The following HPSE variants were observed in gnomAD, a reference collection of about 807,000 sequenced individuals.
HPSE encodes the protein heparanase.
A neutral mutation model predicts 65.1 loss-of-function variants in HPSE; 48 were observed. That is an observed-to-expected ratio of 0.74 (90% CI 0.58 to 0.94). The LOEUF (loss-of-function observed/expected upper bound fraction) is 0.94, where lower values mean the gene tolerates loss of function less well. HPSE is among the 40% of genes least tolerant of loss of function. The pLI is 0.00. For missense variants in HPSE, 644 were observed against 637.5 expected, an observed-to-expected ratio of 1.01 and a Z score of -0.11; for synonymous variants, 243 against 260.0, an observed-to-expected ratio of 0.93 and a Z score of 0.63.
chr4:83,321,801 G>A (rs922305853), intron 2 of HPSE, among the ~76,000 whole-genome samples: 12 of 152,048 alleles, frequency 7.9e-5, no homozygotes, highest in Admixed American at 5.9e-4. Flanking sequence ...CACAGATCTC[G>A]TTCACCCATA....
rs1736968903 is a variant in HPSE at position 83,322,792 on chromosome 4, TGTGTGTGTG to T, written c.228-437_228-429del. ...TCTAATTCTGGCAAGAGCTTGTTTG[TGTGTGTGTG>T]TGTGTGTGTGTGTGTGTGTGTGTGT... On this transcript the variant is annotated intron_variant, in intron 1 of 11. Coordinates refer to ENST00000311412, the MANE Select transcript of HPSE (RefSeq NM_001098540.3). Among the ~76,000 whole-genome samples, 92 of 114,930 alleles carry T rather than the reference TGTGTGTGTG, an allele frequency of 8.0e-4. 2 individuals are homozygous for T. Among genetic ancestry groups the T allele is most frequent in the African/African-American group, 3.3e-3 (67 of 20,016 alleles). 75.4% of individuals were successfully genotyped at this position (114,930 alleles called of 152,430 possible).
chr4:83,308,745 G>T, intron 8 of HPSE, 100 bp downstream of exon 8: 3 of 885,236 alleles, frequency 3.4e-6, no homozygotes, highest in South Asian at 1.5e-5. Context: ...CCACTGAAAT[G>T]GTCTTTGATC....
chr4:83,329,554 C>T (rs1317195745), intron 1 of HPSE, among the ~76,000 whole-genome samples: 1 of 152,040 alleles, frequency 6.6e-6, no homozygotes, highest in Non-Finnish European at 1.5e-5. Flanking sequence ...TATGGTCTGG[C>T]TCTCAGAAAA....
intron 11 of HPSE, among the ~76,000 whole-genome samples, chr4:83,299,908 G>T (rs1381293943): frequency 1.3e-5 from 2 of 151,922 alleles, no homozygotes; most frequent in African/African-American, 4.8e-5. Flanking sequence ...TTGCCATATT[G>T]CCCAGGCTGG....
intron 9 of HPSE, 102 bp from the exon 10 acceptor site, chr4:83,302,370 T>C (rs911216301): frequency 2.7e-6 from 2 of 730,506 alleles, no homozygotes; most frequent in South Asian, 1.7e-5. Flanking sequence ...ACAAAGAGTA[T>C]CACTGTTATC....
intron 8 of HPSE, among the ~76,000 whole-genome samples, chr4:83,308,140 G>A (rs1034627524): frequency 2.6e-5 from 4 of 151,304 alleles, no homozygotes; most frequent in Non-Finnish European, 4.4e-5. Flanking sequence ...GGGCGTGGTG[G>A]CTCATGTCCG....
At chr4:83,298,884 C>T (rs979517014) in intron 11 of HPSE, among the ~76,000 whole-genome samples, 3 of 151,836 alleles carry the variant, frequency 2.0e-5, no homozygotes, top group African/African-American at 4.8e-5. Flanking sequence ...TTTAACTCTC[C>T]GAGGTCATTA....
At chr4:83,310,965 A>T (rs1736345640) in intron 4 of HPSE, 75 bp from the exon 5 acceptor site, 3 of 1,200,738 alleles carry the variant, frequency 2.5e-6, no homozygotes, top group Middle Eastern at 4.2e-4. Flanking sequence ...AGTATTTAAA[A>T]GCAACAAAAC....
intron 2 of HPSE, among the ~76,000 whole-genome samples, chr4:83,320,800 A>G (rs1046998510): frequency 6.6e-6 from 1 of 152,120 alleles, no homozygotes; most frequent in Non-Finnish European, 1.5e-5. Flanking sequence ...CCCACCGACC[A>G]TCCCCCTAGA....
chr4:83,302,404 A>AT, intron 9 of HPSE, 136 bp from the exon 10 acceptor site: 2 of 587,016 alleles, frequency 3.4e-6, no homozygotes, highest in Admixed American at 3.3e-5. Flanking sequence ...AATAGGATTC[A>AT]TCTTTTTTTT....
intron 10 of HPSE, among the ~76,000 whole-genome samples, chr4:83,301,672 TAGTATTTC>T (rs1224850228): frequency 6.6e-6 from 1 of 152,160 alleles, no homozygotes; most frequent in Non-Finnish European, 1.5e-5. Flanking sequence ...TGGCTAGAAT[TAGTATTTC>T]AGCATCATCT....
At chr4:83,319,288 A>C in intron 3 of HPSE, 56 bp downstream of exon 3, 1 of 1,583,072 alleles carries the variant, frequency 6.3e-7, no homozygotes, top group East Asian at 2.2e-5. Flanking sequence ...CCCGAGTCCA[A>C]CCTATTCAAA....
Position 83,313,200 on chromosome 4 carries a change from T to A in HPSE, c.587A>T (p.Asp196Val). The change falls in exon 4 of 12, where the codon GAT becomes GTT. Residue 196 changes from aspartate (D) to valine (V), a missense_variant. Transcript: ENST00000311412. ...AGCATTAGAACTGTTCCACTGCAAATCTGCTGTTCTTAATAACGCATTTAG... is the reference window on the plus strand; with the variant it reads ...AGCATTAGAACTGTTCCACTGCAAAACTGCTGTTCTTAATAACGCATTTAG... ...FGLNALLRTA[D>V]LQWNSSNAQL... 1 of 1,613,908 alleles carries A rather than the reference T, an allele frequency of 6.2e-7. No individual in the cohort carries two copies. The highest frequency in any genetic ancestry group is 8.5e-7 in the Non-Finnish European group (1 of 1,179,866).
At chr4:83,296,734 T>C (rs998289005) in intron 11 of HPSE, among the ~76,000 whole-genome samples, 1 of 152,018 alleles carries the variant, frequency 6.6e-6, no homozygotes, top group Non-Finnish European at 1.5e-5. Context: ...GAGTTATATT[T>C]ATATCATTTA....
intron 11 of HPSE, among the ~76,000 whole-genome samples, chr4:83,299,659 G>C (rs1035782393): frequency 1.3e-5 from 2 of 152,158 alleles, no homozygotes; most frequent in Admixed American, 1.3e-4. Flanking sequence ...TGTGGCATTT[G>C]CAAAGATGGG....
Position 83,310,848 on chromosome 4 carries a change from C to T in HPSE, c.716G>A (p.Gly239Glu). Residue 239 changes from glycine (G) to glutamate (E), a missense_variant, in exon 5 of 12, where the codon GGG (glycine) becomes GAG (glutamate). Coordinates refer to ENST00000311412, the MANE Select transcript of HPSE (RefSeq NM_001098540.3). ...FLKKADIFIN[G>E]SQLGEDFIQL... ...AATAAAATCTTCTCCTAACTGCGAC[C>T]CATTGATGAAAATATCAGCCTTCTT... 6.2e-7 allele frequency: 1 copy of T among 1,613,672 alleles called. No homozygotes were observed. The highest frequency in any genetic ancestry group is 8.5e-7 in the Non-Finnish European group (1 of 1,179,728).
At position 83,313,178 on chromosome 4, in the gene HPSE, A is replaced by AT; in HGVS notation, c.608dup (p.Asn203LysfsTer15). On this transcript the variant is annotated frameshift_variant, in exon 4 of 12. Transcript: ENST00000311412. LOFTEE classifies it high-confidence loss of function. ...AGCAGTAGTCCAGGAGCAACTGAGCATTAGAACTGTTCCACTGCAAATCTG... is the reference window on the plus strand; with the variant it reads ...AGCAGTAGTCCAGGAGCAACTGAGCATTTAGAACTGTTCCACTGCAAATCTG... 6.2e-7 allele frequency: 1 copy of AT among 1,614,050 alleles called. No individual in the cohort carries two copies. The highest frequency in any genetic ancestry group is 8.5e-7 in the Non-Finnish European group (1 of 1,179,876).
chr4:83,315,043 C>G lies in HPSE; in HGVS notation c.500-1756G>C, dbSNP rs191346424. On this transcript the variant is annotated intron_variant, in intron 3 of 11. Coordinates refer to ENST00000311412, the MANE Select transcript of HPSE (RefSeq NM_001098540.3). ...CAGTGGCATGCACCTGTAGTCCCAG[C>G]TACTTGGGAGGCTGAGACAGAATTG... 1.0e-3 allele frequency among the ~76,000 whole-genome samples: 153 copies of G among 151,748 alleles called. 1 individual carries two copies. Among genetic ancestry groups the G allele is most frequent in the African/African-American group, 3.6e-3 (148 of 41,390 alleles).
chr4:83,319,590 G>A (rs1268580576), intron 2 of HPSE, 121 bp from the exon 3 acceptor site: 33 of 989,056 alleles, frequency 3.3e-5, no homozygotes, highest in Non-Finnish European at 4.9e-5. Context: ...CTGGTTATGA[G>A]GTAGGAGAGC....
Sources: allele counts gnomAD v4.1 joint callset (sites outside exome capture counted in the v4.1 genomes callset), GRCh38; gene constraint gnomAD v4.1.1; transcripts MANE v1.5; gene names NCBI Gene and HGNC (gene_info 2026-07-23, HGNC 2026-07-21).